MAP7: variants seen among roughly 807,000 people sequenced by gnomAD.
MAP7 encodes the protein ensconsin.
In MAP7, 52 loss-of-function variants were observed where a neutral mutation model predicts 94.8. The observed-to-expected ratio is 0.55, with a 90% CI of 0.44 to 0.69. MAP7 has a LOEUF of 0.69. Ranked by LOEUF, MAP7 falls within the 30% of genes least tolerant of loss-of-function variation. The pLI, the probability that MAP7 is intolerant of heterozygous loss-of-function variation, is 0.00. For missense variants in MAP7, 940 were observed against 964.6 expected (o/e 0.97, Z 0.34); for synonymous variants, 350 against 357.0 (o/e 0.98, Z 0.22).
chr6:136,422,841 T>A (rs1482487950), intron 1 of MAP7, among the ~76,000 whole-genome samples: 1 of 152,228 alleles, frequency 6.6e-6, no homozygotes, highest in African/African-American at 2.4e-5. Context: ...TGCTTTCATA[T>A]CAGTCTTTTT....
intron 1 of MAP7, among the ~76,000 whole-genome samples, chr6:136,505,626 G>C (rs1562471307): frequency 6.6e-6 from 1 of 151,928 alleles, no homozygotes; most frequent in Non-Finnish European, 1.5e-5. Flanking sequence ...GAAAGGAACA[G>C]CAGACACTGG....
At position 136,473,600 on chromosome 6, in the gene MAP7, A is replaced by G. The variant is rs74454990; in HGVS notation, c.68-51801T>C. Among the ~76,000 whole-genome samples, 2,701 of 152,326 alleles carry G rather than the reference A, an allele frequency of 0.018. 121 individuals are homozygous for G. The East Asian group carries it at 0.18, about 10-fold the overall frequency. Reference sequence around the variant, plus strand: ...ATTAATGGCTGTATAATATTGAATCATAGGGAAGCACTAACTTATGTAGCA... The same window carrying G: ...ATTAATGGCTGTATAATATTGAATCGTAGGGAAGCACTAACTTATGTAGCA... On this transcript the variant is annotated intron_variant, in intron 1 of 17. Coordinates refer to ENST00000354570, the MANE Select transcript of MAP7 (RefSeq NM_003980.6).
intron 1 of MAP7, among the ~76,000 whole-genome samples, chr6:136,510,789 G>A (rs1823034752): frequency 6.6e-6 from 1 of 152,066 alleles, no homozygotes; most frequent in Admixed American, 6.5e-5. Context: ...TCACAGGTAT[G>A]TATAGAAAAA....
At chr6:136,346,803 C>T (rs1286846638) in intron 16 of MAP7, among the ~76,000 whole-genome samples, 3 of 152,158 alleles carry the variant, frequency 2.0e-5, no homozygotes, top group South Asian at 2.1e-4. Flanking sequence ...ATGATTTGCA[C>T]AAAGTCACAC....
rs947412792 is a variant in MAP7 at position 136,344,097 on chromosome 6, A to C, written c.*131T>G. ...CTGTTGTCTTTAGCTAGTTTTAATAAATCTTTTCAAAATGATGGTCAAGAA... is the reference window on the plus strand; with the variant it reads ...CTGTTGTCTTTAGCTAGTTTTAATACATCTTTTCAAAATGATGGTCAAGAA... On this transcript the variant is annotated 3_prime_UTR_variant, in exon 18 of 18. Transcript: ENST00000354570. 1.5e-5 allele frequency: 6 copies of C among 407,554 alleles called. No individual in the cohort carries two copies. The highest frequency in any genetic ancestry group is 1.0e-4 in the African/African-American group (5 of 48,406). 25.2% of individuals were successfully genotyped at this position (407,554 alleles called of 1,614,324 possible).
intron 1 of MAP7, among the ~76,000 whole-genome samples, chr6:136,480,839 C>G (rs1434354053): frequency 6.6e-6 from 1 of 151,816 alleles, no homozygotes; most frequent in African/African-American, 2.4e-5. Context: ...AGACACCCCA[C>G]AGAGTGGAAG....
At chr6:136,462,307 C>G (rs1010462267) in intron 1 of MAP7, among the ~76,000 whole-genome samples, 2 of 152,112 alleles carry the variant, frequency 1.3e-5, no homozygotes, top group Admixed American at 6.6e-5. Flanking sequence ...TCATTTATAT[C>G]TTAGACTATA....
chr6:136,364,337 A>C (rs9483926), intron 10 of MAP7: 351,468 of 464,818 alleles, frequency 0.76, 138,591 homozygotes, highest in Non-Finnish European at 0.83. Context: ...GAGCTCGTGG[A>C]CCTGCACCAG....
intron 1 of MAP7, among the ~76,000 whole-genome samples, chr6:136,427,526 T>C (rs1183741280): frequency 2.0e-5 from 3 of 152,230 alleles, no homozygotes; most frequent in South Asian, 2.1e-4. Context: ...ACCCATTTCA[T>C]GGTATGGTGC....
chr6:136,463,851 G>A (rs569004867), intron 1 of MAP7, among the ~76,000 whole-genome samples: 3 of 152,302 alleles, frequency 2.0e-5, no homozygotes, highest in Admixed American at 1.3e-4. Context: ...TGTCTTCTTG[G>A]TAAAGGTACA....
At chr6:136,466,805 T>G in intron 1 of MAP7, 1 of 1,535,104 alleles carries the variant, frequency 6.5e-7, no homozygotes, top group Non-Finnish European at 8.7e-7. Flanking sequence ...CTTTCTTGAA[T>G]ATCCTGCAAC....
intron 16 of MAP7, among the ~76,000 whole-genome samples, chr6:136,356,399 T>C (rs943076361): frequency 3.9e-5 from 6 of 152,100 alleles, no homozygotes; most frequent in Admixed American, 2.6e-4. Flanking sequence ...CTCTCAGCCT[T>C]AAGTAATCCT....
In MAP7 at chr6:136,375,180, G is replaced by A. The variant is rs563472264; in HGVS notation, c.752-2555C>T. On this transcript the variant is annotated intron_variant, in intron 7 of 17. Coordinates refer to ENST00000354570, the MANE Select transcript of MAP7 (RefSeq NM_003980.6). ...GAAAAATGGCATAATATGGTAATAC[G>A]GTACTAGCATTTACTGAGGGCCTAC... Among the ~76,000 whole-genome samples the A allele has an allele frequency of 4.7e-4, 72 of 152,138 alleles. 1 individual carries two copies. In the South Asian group the frequency reaches 8.1e-3, roughly 17 times the overall value.
At chr6:136,546,148 AACTATAAGCGTGCGCCACCAC>A (rs1252210236) in intron 1 of MAP7, among the ~76,000 whole-genome samples, 1 of 151,906 alleles carries the variant, frequency 6.6e-6, no homozygotes. Flanking sequence ...AAAGAGCTGG[AACTATAAGCGTGCGCCACCAC>A]ACCAGGCTAA....
chr6:136,429,058 A>C (rs982454627), intron 1 of MAP7, among the ~76,000 whole-genome samples: 4 of 152,178 alleles, frequency 2.6e-5, no homozygotes, highest in African/African-American at 9.7e-5. Context: ...TCCACAAGGC[A>C]CACATCCATT....
intron 1 of MAP7, among the ~76,000 whole-genome samples, chr6:136,519,650 AAGAAG>A (rs904036941): frequency 9.2e-5 from 14 of 152,302 alleles, no homozygotes; most frequent in African/African-American, 3.4e-4. Context: ...GAAAAGCCAA[AAGAAG>A]AGAAGTCACT....
chr6:136,360,939 C>T (rs189232225), intron 12 of MAP7, 66 bp downstream of exon 12: 3 of 1,548,208 alleles, frequency 1.9e-6, no homozygotes, highest in Non-Finnish European at 2.6e-6. Context: ...TCCGCACCCT[C>T]CTCTGCTGGG....
chr6:136,487,018 C>A (rs911536560), intron 1 of MAP7, among the ~76,000 whole-genome samples: 1 of 152,076 alleles, frequency 6.6e-6, no homozygotes, highest in African/African-American at 2.4e-5. Context: ...GTAACATCAC[C>A]AGTAATCAAA....
chr6:136,527,630 T>C (rs1828093572), intron 1 of MAP7, among the ~76,000 whole-genome samples: 1 of 152,222 alleles, frequency 6.6e-6, no homozygotes, highest in African/African-American at 2.4e-5. Context: ...ATGCGTGTAG[T>C]GCTAGCAACT....
Sources: gnomAD v4.1 joint callset for allele counts (sites outside exome capture counted in the v4.1 genomes callset) on GRCh38, gnomAD v4.1.1 for gene constraint, MANE v1.5 for transcripts, NCBI Gene and HGNC (gene_info 2026-07-23, HGNC 2026-07-21) for gene names.